The following PTPRH variants were observed in gnomAD, a reference collection of about 807,000 sequenced individuals.
PTPRH encodes the protein protein tyrosine phosphatase receptor type H.
Under a neutral mutation model 130.2 loss-of-function variants are expected in PTPRH, and 113 were observed. That is an observed-to-expected ratio of 0.87 (90% CI 0.75 to 1.01). PTPRH has a LOEUF of 1.01. PTPRH is among the 50% of genes least tolerant of loss of function. The pLI is 0.00. For synonymous variants in PTPRH, 556 were observed against 577.9 expected, an observed-to-expected ratio of 0.96 and a Z score of 0.54; for missense variants, 1,430 against 1,425.0, an observed-to-expected ratio of 1.00 and a Z score of -0.06.
intron 13 of PTPRH, 62 bp downstream of exon 13, chr19:55,188,016 G>C (rs74679430): frequency 1.2e-5 from 13 of 1,041,150 alleles, no homozygotes; most frequent in Admixed American, 9.7e-5. Flanking sequence ...GCCAGGGGGT[G>C]GGGGGTGGGG....
Position 55,188,128 on chromosome 19 carries a change from C to T in PTPRH, c.2425G>A (p.Val809Ile), listed in dbSNP as rs199623495. The change falls in exon 13 of 20, where the codon GTC becomes ATC. Residue 809 changes from valine (V) to isoleucine (I), a missense_variant. Coordinates refer to ENST00000376350, the MANE Select transcript of PTPRH (RefSeq NM_002842.5). ...TTGCTGTCCCTCTCATTCTTCCTGACGTGGTCAGCGAAGTCTTCAGCTGGG... is the reference window on the plus strand; with the variant it reads ...TTGCTGTCCCTCTCATTCTTCCTGATGTGGTCAGCGAAGTCTTCAGCTGGG... ...DIPAEDFADH[V>I]RKNERDSNCG... The T allele has an allele frequency of 1.3e-4, 213 of 1,614,098 alleles. No homozygotes were observed. Among genetic ancestry groups the T allele is most frequent in the Admixed American group, 1.0e-3 (61 of 60,016 alleles).
Position 55,206,931 on chromosome 19 carries a change from G to A in PTPRH, c.110C>T (p.Thr37Ile). Reference protein sequence around the residue: ...APAPNPGRNLTVETQTTSSIS... With the variant: ...APAPNPGRNLIVETQTTSSIS... ...GGAGCTGGTGGTCTGAGTCTCCACTGTCAGGTTCCTCCCTGGGTTGGGGGC... is the reference window on the plus strand; with the variant it reads ...GGAGCTGGTGGTCTGAGTCTCCACTATCAGGTTCCTCCCTGGGTTGGGGGC... The change falls in exon 3 of 20, where the codon ACA becomes ATA. Residue 37 changes from threonine (T) to isoleucine (I), a missense_variant. Thr to Ile is a moderately conservative substitution (Grantham distance 89). Coordinates refer to ENST00000376350, the MANE Select transcript of PTPRH (RefSeq NM_002842.5). The A allele has an allele frequency of 1.9e-6, 3 of 1,604,976 alleles. No individual in the cohort carries two copies. Among genetic ancestry groups the A allele is most frequent in the Non-Finnish European group, 2.6e-6 (3 of 1,173,968 alleles).
chr19:55,206,785 C>A lies in PTPRH; in HGVS notation c.256G>T (p.Val86Leu), dbSNP rs373999553. The A allele has an allele frequency of 3.1e-6, 5 of 1,614,200 alleles. No homozygotes were observed. The highest frequency in any genetic ancestry group is 4.2e-6 in the Non-Finnish European group (5 of 1,180,032). The change falls in exon 3 of 20, where the codon GTG becomes TTG. Residue 86 changes from valine to leucine, a missense_variant. By Grantham distance (32) the Val-to-Leu change is conservative. Coordinates refer to ENST00000376350, the MANE Select transcript of PTPRH (RefSeq NM_002842.5). ...TRNTTATNVT[V>L]DGLGPGSLYT... ...AATGACCCGGGTCCAAGGCCATCCACGGTGACGTTGGTGGCTGTTGTGTTT... is the reference window on the plus strand; with the variant it reads ...AATGACCCGGGTCCAAGGCCATCCAAGGTGACGTTGGTGGCTGTTGTGTTT...
At chr19:55,203,734 C>T in intron 5 of PTPRH, 48 bp downstream of exon 5, 1 of 1,560,984 alleles carries the variant, frequency 6.4e-7, no homozygotes, top group Non-Finnish European at 8.7e-7. Context: ...CACCCCCTAC[C>T]ACTGTCCTTA....
In PTPRH at chr19:55,181,849, G is replaced by A; in HGVS notation, c.3253C>T (p.Gln1085Ter). 1.2e-6 allele frequency: 2 copies of A among 1,614,210 alleles called. No homozygotes were observed. Among genetic ancestry groups the A allele is most frequent in the South Asian group, 2.2e-5 (2 of 91,086 alleles). The part of the protein sequence containing the change: ...CILRFLQQSA[Q>*]APAEKEVPYE... ...GGGACTTCCTTCTCGGCTGGGGCCT[G>A]GGCTGACTGTTGGAGGAACCGCAGG... The change falls in exon 20 of 20, where the codon CAG (glutamine) becomes TAG (stop). Residue 1085 changes from glutamine (Q) to a stop codon, truncating the protein, a stop_gained. Coordinates refer to ENST00000376350, the MANE Select transcript of PTPRH (RefSeq NM_002842.5). LOFTEE classifies it low-confidence loss of function (END_TRUNC).
At chr19:55,187,396 A>AT (rs2086390536) in intron 14 of PTPRH, 117 bp downstream of exon 14, 1 of 516,882 alleles carries the variant, frequency 1.9e-6, no homozygotes, top group Admixed American at 3.7e-5. Context: ...GAAAAAAAAA[A>AT]GGAGACCCAC....
rs757934878 is a variant in PTPRH at position 55,209,370 on chromosome 19, G to A, written c.51+13C>T. 77 of 1,559,744 alleles carry A rather than the reference G, an allele frequency of 4.9e-5. No homozygotes were observed. Among genetic ancestry groups the A allele is most frequent in the Middle Eastern group, 1.7e-4 (1 of 6,016 alleles). ...CCTGCCTTGGGAGCCCGCTCTGGGCGGGGAGCACTTACCAGCAGCACCAGG... is the reference window on the plus strand; with the variant it reads ...CCTGCCTTGGGAGCCCGCTCTGGGCAGGGAGCACTTACCAGCAGCACCAGG... On this transcript the variant is annotated intron_variant, in intron 1 of 19. Coordinates refer to ENST00000376350, the MANE Select transcript of PTPRH (RefSeq NM_002842.5). This position sits in a 1 kb window ranked among gnomAD's most constrained non-coding sequence, Gnocchi z 4.1.
intron 18 of PTPRH, among the ~76,000 whole-genome samples, 153 bp from the exon 19 acceptor site, chr19:55,182,304 TCAC>T (rs2086200990): frequency 6.6e-6 from 1 of 152,112 alleles, no homozygotes; most frequent in Non-Finnish European, 1.5e-5. Flanking sequence ...GGCCGGTGGA[TCAC>T]CCAAGGTCAG....
chr19:55,207,039 C>A (rs2087088306), intron 2 of PTPRH, 84 bp from the exon 3 acceptor site: 1 of 1,552,632 alleles, frequency 6.4e-7, no homozygotes, highest in East Asian at 2.3e-5. Context: ...GCCCCAAGTC[C>A]AGAAACAACG....
chr19:55,197,341 C>G lies in PTPRH; in HGVS notation c.1766G>C (p.Gly589Ala), dbSNP rs767906531. 1.1e-5 allele frequency: 17 copies of G among 1,614,064 alleles called. No individual in the cohort carries two copies. The highest frequency in any genetic ancestry group is 5.0e-5 in the Admixed American group (3 of 59,998). ...NSVMLWWKAP[G>A]DPHSQLYVYW... ...TACGTACAACTGAGAGTGGGGGTCTCCAGGGGCCTTCCACCACAGCATGAC... is the reference window on the plus strand; with the variant it reads ...TACGTACAACTGAGAGTGGGGGTCTGCAGGGGCCTTCCACCACAGCATGAC... The change falls in exon 9 of 20, where the codon GGA (glycine) becomes GCA (alanine). Residue 589 changes from glycine to alanine, a missense_variant. Physicochemically the swap from Gly to Ala is moderately conservative, Grantham distance 60 (BLOSUM62 0). Transcript: ENST00000376350.
chr19:55,187,344 C>CAA (rs58124409), intron 14 of PTPRH, among the ~76,000 whole-genome samples, 169 bp downstream of exon 14: 793 of 45,010 alleles, frequency 0.018, 46 homozygotes, highest in Admixed American at 0.11. Flanking sequence ...GACTCCGTCT[C>CAA]AAAAAAAAAA....
chr19:55,200,953 A>C (rs1010952275), intron 6 of PTPRH, among the ~76,000 whole-genome samples: 7 of 114,706 alleles, frequency 6.1e-5, no homozygotes, highest in Admixed American at 4.6e-4. Flanking sequence ...AAAACAAACA[A>C]AAAAAACAAA....
rs143790378 is a variant in PTPRH at position 55,205,518 on chromosome 19, C to T, written c.427G>A (p.Asp143Asn). 280 of 1,614,130 alleles carry T rather than the reference C, an allele frequency of 1.7e-4. No homozygotes were observed. In the African/African-American group the frequency reaches 3.2e-3, roughly 18 times the overall value. The change falls in exon 4 of 20, where the codon GAC becomes AAC. Residue 143 changes from aspartate to asparagine, a missense_variant. Transcript: ENST00000376350. Reference sequence around the variant, plus strand: ...GTGGAGTTCTGTGGGTCTGGGCCGTCGGGGACCTCCCAGGTCAGGGCGATG... The same window carrying T: ...GTGGAGTTCTGTGGGTCTGGGCCGTTGGGGACCTCCCAGGTCAGGGCGATG... ...SSIALTWEVP[D>N]GPDPQNSTYG...
At chr19:55,200,631 A>G (rs2086830647) in intron 6 of PTPRH, 129 bp from the exon 7 acceptor site, 3 of 1,059,144 alleles carry the variant, frequency 2.8e-6, no homozygotes, top group Admixed American at 5.1e-5. Context: ...TGCAGGGTGT[A>G]TGTTCTAGAC....
chr19:55,190,567 A>G, intron 12 of PTPRH, among the ~76,000 whole-genome samples: 1 of 128,514 alleles, frequency 7.8e-6, no homozygotes, highest in South Asian at 2.2e-4. Context: ...TATATATATA[A>G]CATATAATAT....
At chr19:55,190,534 AATATATATAATATATAATATATT>A (rs1296673453) in intron 12 of PTPRH, among the ~76,000 whole-genome samples, 14 of 137,670 alleles carry the variant, frequency 1.0e-4, no homozygotes, top group Non-Finnish European at 2.1e-4. Context: ...TATATTGTAT[AATATATATAATATATAATATATT>A]ATATATATAA....
intron 4 of PTPRH, 50 bp from the exon 5 acceptor site, chr19:55,204,098 A>G: frequency 6.6e-7 from 1 of 1,516,942 alleles, no homozygotes; most frequent in Non-Finnish European, 8.9e-7. Context: ...ACAGAACATA[A>G]CGGGGGCAGC....
chr19:55,187,300 G>A (rs59990484), intron 14 of PTPRH, among the ~76,000 whole-genome samples: 7 of 125,856 alleles, frequency 5.6e-5, no homozygotes, highest in East Asian at 2.2e-4. Context: ...AGCCGAGATC[G>A]CGCCACTGCA....
intron 18 of PTPRH, among the ~76,000 whole-genome samples, chr19:55,184,302 TAAATAAATA>T (rs2086258329): frequency 6.7e-6 from 1 of 149,390 alleles, no homozygotes; most frequent in Admixed American, 6.7e-5. Context: ...AACAAACAAA[TAAATAAATA>T]AAATAAAATA....
Sources: allele counts gnomAD v4.1 joint callset (sites outside exome capture counted in the v4.1 genomes callset), GRCh38; gene constraint gnomAD v4.1.1; non-coding constraint Gnocchi (gnomAD v3.1); transcripts MANE v1.5; gene names NCBI Gene and HGNC (gene_info 2026-07-23, HGNC 2026-07-21).